SHISAL1: variants seen among roughly 807,000 people sequenced by gnomAD.
SHISAL1 encodes the protein protein shisa-like-1.
SHISAL1 carries 9 observed loss-of-function variants against 22.6 expected under a neutral mutation model. That is an observed-to-expected ratio of 0.40 (90% CI 0.24 to 0.70). SHISAL1 has a LOEUF of 0.70. Ranked by LOEUF, SHISAL1 falls within the 30% of genes least tolerant of loss-of-function variation. The probability of loss-of-function intolerance (pLI) is 0.39; values close to 1 mark genes in which losing one functional copy is unlikely to be tolerated. For synonymous variants in SHISAL1, 119 were observed against 115.4 expected, an observed-to-expected ratio of 1.03 and a Z score of -0.20; for missense variants, 246 against 270.6, an observed-to-expected ratio of 0.91 and a Z score of 0.64.
Position 44,246,247 on chromosome 22 carries a change from A to G in SHISAL1, c.*3438T>C, listed in dbSNP as rs2054999802. On this transcript the variant is annotated 3_prime_UTR_variant, in exon 5 of 5. Transcript: ENST00000381176. ...TACACAGACGAGAGGGAAAGCATAA[A>G]ACTGCTCATTAATTACACACAGTTC... The G allele has an allele frequency of 6.6e-6, 1 of 152,194 alleles. No homozygotes were observed. Among genetic ancestry groups the G allele is most frequent in the Admixed American group, 6.5e-5 (1 of 15,286 alleles). 9.4% of individuals were successfully genotyped at this position (152,194 alleles called of 1,614,324 possible).
intron 4 of SHISAL1, among the ~76,000 whole-genome samples, chr22:44,274,324 C>T (rs1294823897): frequency 6.6e-6 from 1 of 152,118 alleles, no homozygotes; most frequent in Non-Finnish European, 1.5e-5. Context: ...CCCTCAAAAG[C>T]TGCCTCACTG....
At chr22:44,311,390 A>G (rs2055517418) in intron 1 of SHISAL1, among the ~76,000 whole-genome samples, 1 of 152,180 alleles carries the variant, frequency 6.6e-6, no homozygotes, top group African/African-American at 2.4e-5. Flanking sequence ...CCCTCAGTGG[A>G]TAACCATTCC....
chr22:44,315,333 A>G (rs2055551341), upstream of SHISAL1, among the ~76,000 whole-genome samples: 1 of 152,140 alleles, frequency 6.6e-6, no homozygotes. Context: ...TGGGCAGCTG[A>G]GACCCACACA....
chr22:44,305,799 C>T (rs777825940), intron 1 of SHISAL1, among the ~76,000 whole-genome samples: 4 of 152,174 alleles, frequency 2.6e-5, no homozygotes, highest in African/African-American at 7.2e-5. Context: ...GATAGGTCAC[C>T]GTGCGATCAA....
chr22:44,249,981 AAAAT>A (rs2055036007), intron 4 of SHISAL1, among the ~76,000 whole-genome samples: 1 of 152,248 alleles, frequency 6.6e-6, no homozygotes, highest in Non-Finnish European at 1.5e-5. Context: ...ACTTACATAG[AAAAT>A]TTAACAGAAT....
At chr22:44,256,728 G>A (rs1420730307) in intron 4 of SHISAL1, among the ~76,000 whole-genome samples, 1 of 151,906 alleles carries the variant, frequency 6.6e-6, no homozygotes, top group African/African-American at 2.4e-5. Flanking sequence ...GTATCCCCAG[G>A]GCCAATAACG....
At chr22:44,306,775 CGGAGGGGACCTGGGCTCGGGG>C (rs2055480560) in intron 1 of SHISAL1, among the ~76,000 whole-genome samples, 33 of 35,524 alleles carry the variant, frequency 9.3e-4, no homozygotes, top group Non-Finnish European at 1.1e-3. Flanking sequence ...ATGGCGTGTG[CGGAGGGGACCTGGGCTCGGGG>C]AATTGTGATG....
the SHISAL1 span, among the ~76,000 whole-genome samples, chr22:44,323,443 A>T: frequency 2.2e-5 from 2 of 89,990 alleles, no homozygotes; most frequent in Admixed American, 2.1e-4. Context: ...CCATCCATCA[A>T]CCATCCATCC....
At chr22:44,277,970 C>T (rs2055251520) in intron 4 of SHISAL1, among the ~76,000 whole-genome samples, 1 of 152,160 alleles carries the variant, frequency 6.6e-6, no homozygotes, top group Non-Finnish European at 1.5e-5. Flanking sequence ...TCACTTGGTT[C>T]CCACACTGGC....
In SHISAL1 at chr22:44,244,510, AAC is replaced by A. The variant is rs1284520965; in HGVS notation, c.*5173_*5174del. On this transcript the variant is annotated 3_prime_UTR_variant, in exon 5 of 5. Transcript: ENST00000381176. The stretch of plus-strand genomic sequence containing the variant: ...TAGGAGTTTTAGGTACAGAGTAACT[AAC>A]AGTCAAATCTGCTCATTCATCAAGC... 2 of 152,184 alleles carry A rather than the reference AAC, an allele frequency of 1.3e-5. No individual in the cohort carries two copies. The highest frequency in any genetic ancestry group is 1.9e-4 in the East Asian group (1 of 5,200). The allele number at this position is 152,184 out of a possible 1,614,324, so 9.4% of individuals were successfully genotyped here. A position where few individuals can be genotyped will look rare whatever the true frequency, so the allele number is the denominator to read the frequency against.
chr22:44,261,414 C>A (rs111818211), intron 4 of SHISAL1, among the ~76,000 whole-genome samples: 11 of 152,118 alleles, frequency 7.2e-5, no homozygotes, highest in Admixed American at 1.3e-4. Context: ...CTCCCACAGG[C>A]CTTTTGTAAC....
intron 4 of SHISAL1, among the ~76,000 whole-genome samples, chr22:44,251,136 G>A (rs1205336357): frequency 6.6e-6 from 1 of 152,152 alleles, no homozygotes; most frequent in African/African-American, 2.4e-5. Context: ...ATAGTTTATT[G>A]TTTGTCTTCC....
At chr22:44,294,554 A>G (rs938975720) in intron 3 of SHISAL1, among the ~76,000 whole-genome samples, 2 of 152,246 alleles carry the variant, frequency 1.3e-5, no homozygotes, top group Non-Finnish European at 2.9e-5. Context: ...TTAAAATTAG[A>G]AGGAGATAAG....
the SHISAL1 span, among the ~76,000 whole-genome samples, chr22:44,322,181 T>C: frequency 1.3e-5 from 2 of 152,240 alleles, no homozygotes; most frequent in Non-Finnish European, 2.9e-5. Flanking sequence ...CTAGTGAGAA[T>C]GGCAACCTGT....
intron 4 of SHISAL1, among the ~76,000 whole-genome samples, chr22:44,255,655 T>C (rs889048895): frequency 3.3e-5 from 5 of 152,174 alleles, no homozygotes; most frequent in African/African-American, 1.2e-4. Flanking sequence ...TTCCATCTGC[T>C]CTCAACACAG....
intron 4 of SHISAL1, among the ~76,000 whole-genome samples, chr22:44,271,451 A>G (rs1004817075): frequency 6.6e-6 from 1 of 152,176 alleles, no homozygotes; most frequent in Non-Finnish European, 1.5e-5. Flanking sequence ...GGTGCTTAGG[A>G]GGAACAGGGA....
intron 1 of SHISAL1, among the ~76,000 whole-genome samples, chr22:44,312,385 C>T (rs78618321): frequency 0.032 from 4,928 of 152,246 alleles, 117 homozygotes; most frequent in Non-Finnish European, 0.049. Flanking sequence ...GACCCTCCCC[C>T]GAGCCTTTGG....
At chr22:44,298,946 GA>G (rs1478885822) in intron 2 of SHISAL1, among the ~76,000 whole-genome samples, 1 of 152,230 alleles carries the variant, frequency 6.6e-6, no homozygotes, top group African/African-American at 2.4e-5. Context: ...TGGGAGCCGG[GA>G]CAACCGGGTG....
intron 4 of SHISAL1, among the ~76,000 whole-genome samples, chr22:44,272,208 A>G (rs1440827597): frequency 6.6e-6 from 1 of 152,190 alleles, no homozygotes; most frequent in Non-Finnish European, 1.5e-5. Flanking sequence ...CTGGGCCCAG[A>G]GACACACAAT....
Sources: gnomAD v4.1 joint callset for allele counts (sites outside exome capture counted in the v4.1 genomes callset) on GRCh38, gnomAD v4.1.1 for gene constraint, MANE v1.5 for transcripts, NCBI Gene and HGNC (gene_info 2026-07-23, HGNC 2026-07-21) for gene names.